Variants in BMP5 observed in about 807,000 individuals in gnomAD.
The protein encoded by BMP5 is bone morphogenetic protein 5.
In BMP5, 23 loss-of-function variants were observed where a neutral mutation model predicts 46.6. The observed-to-expected ratio is 0.49, with a 90% CI of 0.35 to 0.70. The LOEUF (loss-of-function observed/expected upper bound fraction) is 0.70. BMP5 is among the 30% of genes least tolerant of loss of function. The probability of loss-of-function intolerance (pLI) is 0.00; values close to 1 mark genes in which losing one functional copy is unlikely to be tolerated. For synonymous variants in BMP5, 204 were observed against 191.9 expected, an observed-to-expected ratio of 1.06 and a Z score of -0.52; for missense variants, 545 against 565.6, an observed-to-expected ratio of 0.96 and a Z score of 0.37.
intron 1 of BMP5, among the ~76,000 whole-genome samples, chr6:55,840,690 T>C (rs1433597512): frequency 6.6e-6 from 1 of 152,236 alleles, no homozygotes; most frequent in African/African-American, 2.4e-5. Flanking sequence ...TATTATTGCT[T>C]TGTCATCTGA....
intron 2 of BMP5, among the ~76,000 whole-genome samples, chr6:55,815,572 C>A (rs1487146588): frequency 6.6e-6 from 1 of 152,068 alleles, no homozygotes; most frequent in Admixed American, 6.6e-5. Flanking sequence ...AAAATAAAGT[C>A]TTAGCCAAAT....
intron 1 of BMP5, among the ~76,000 whole-genome samples, chr6:55,868,351 T>C (rs1420482933): frequency 6.6e-6 from 1 of 152,196 alleles, no homozygotes; most frequent in Admixed American, 6.5e-5. Flanking sequence ...TTCATTGTCT[T>C]AGAAGTCATA....
At chr6:55,838,239 A>T (rs9349796) in intron 1 of BMP5, among the ~76,000 whole-genome samples, 15,144 of 152,190 alleles carry the variant, frequency 0.1, 860 homozygotes, top group East Asian at 0.14. Context: ...TAGTGGTTAT[A>T]CTAATTTAGA....
At chr6:55,833,920 T>C (rs1776722562) in intron 1 of BMP5, among the ~76,000 whole-genome samples, 1 of 152,178 alleles carries the variant, frequency 6.6e-6, no homozygotes, top group Non-Finnish European at 1.5e-5. Context: ...ATAAAAATTT[T>C]AATAACAGTT....
intron 2 of BMP5, among the ~76,000 whole-genome samples, chr6:55,809,012 A>G (rs1562048616): frequency 1.3e-5 from 2 of 152,182 alleles, no homozygotes; most frequent in Non-Finnish European, 2.9e-5. Context: ...GCTTAATTTC[A>G]ACGCTGACTT....
chr6:55,842,501 C>T (rs1333851921), intron 1 of BMP5, among the ~76,000 whole-genome samples: 1 of 152,112 alleles, frequency 6.6e-6, no homozygotes, highest in African/African-American at 2.4e-5. Flanking sequence ...AGTGCCTCCA[C>T]ATAGCACCTT....
chr6:55,769,286 C>T (rs1251772594), intron 4 of BMP5, among the ~76,000 whole-genome samples: 7 of 151,958 alleles, frequency 4.6e-5, no homozygotes, highest in Non-Finnish European at 1.0e-4. Flanking sequence ...CCTGCCTCTA[C>T]TCTAGTAAAT....
At chr6:55,845,259 C>A (rs1052288174) in intron 1 of BMP5, among the ~76,000 whole-genome samples, 1 of 151,842 alleles carries the variant, frequency 6.6e-6, no homozygotes, top group African/African-American at 2.4e-5. Flanking sequence ...TGTGCTGAGA[C>A]AATGAAAAAT....
intron 1 of BMP5, among the ~76,000 whole-genome samples, chr6:55,872,307 C>G (rs1462643456): frequency 6.6e-6 from 1 of 151,460 alleles, no homozygotes; most frequent in Non-Finnish European, 1.5e-5. Context: ...AAAGAAGAAA[C>G]AACATAGTTT....
chr6:55,822,658 T>C (rs1776436415), intron 1 of BMP5, among the ~76,000 whole-genome samples: 1 of 152,116 alleles, frequency 6.6e-6, no homozygotes, highest in Admixed American at 6.6e-5. Flanking sequence ...GGATCCAACC[T>C]AAAGTGTGCA....
chr6:55,773,890 T>A (rs1043500421), intron 4 of BMP5, among the ~76,000 whole-genome samples, 159 bp downstream of exon 4: 36 of 151,956 alleles, frequency 2.4e-4, no homozygotes, highest in African/African-American at 8.5e-4. Flanking sequence ...TACTGAGTGA[T>A]TCACTGATGA....
chr6:55,792,137 A>T (rs1775584326), intron 3 of BMP5, among the ~76,000 whole-genome samples: 1 of 152,238 alleles, frequency 6.6e-6, no homozygotes, highest in South Asian at 2.1e-4. Flanking sequence ...AAAATTCAAC[A>T]TTGTAATTAA....
At chr6:55,778,060 G>A (rs374058619) in intron 3 of BMP5, among the ~76,000 whole-genome samples, 18 of 152,146 alleles carry the variant, frequency 1.2e-4, no homozygotes, top group East Asian at 7.8e-4. Context: ...AAAGCTGAGC[G>A]GAGCAGCAAT....
intron 4 of BMP5, among the ~76,000 whole-genome samples, chr6:55,763,908 A>G (rs1446629419): frequency 1.3e-5 from 2 of 152,132 alleles, no homozygotes; most frequent in African/African-American, 4.8e-5. Context: ...CTTTAGTTTG[A>G]TTCTTTTTGT....
intron 1 of BMP5, among the ~76,000 whole-genome samples, chr6:55,854,498 A>C (rs190205289): frequency 6.6e-6 from 1 of 152,074 alleles, no homozygotes; most frequent in Admixed American, 6.5e-5. Context: ...ATATGTGTGT[A>C]TATATGCATA....
intron 3 of BMP5, among the ~76,000 whole-genome samples, chr6:55,781,115 C>T (rs947170176): frequency 6.6e-6 from 1 of 152,102 alleles, no homozygotes; most frequent in Non-Finnish European, 1.5e-5. Flanking sequence ...TAGCACCTTT[C>T]CCCTGAGGTC....
chr6:55,853,915 C>A (rs1018117660), intron 1 of BMP5, among the ~76,000 whole-genome samples: 6 of 152,108 alleles, frequency 3.9e-5, no homozygotes, highest in Non-Finnish European at 8.8e-5. Context: ...ACAAATACTA[C>A]CCTAAGTAAG....
chr6:55,812,718 C>T (rs1308628403), intron 2 of BMP5, among the ~76,000 whole-genome samples: 1 of 152,218 alleles, frequency 6.6e-6, no homozygotes, highest in East Asian at 1.9e-4. Flanking sequence ...AGAGGTGACT[C>T]TGCTTTAAAA....
intron 2 of BMP5, among the ~76,000 whole-genome samples, chr6:55,802,559 G>C (rs1436414695): frequency 1.3e-5 from 2 of 151,890 alleles, no homozygotes; most frequent in Non-Finnish European, 2.9e-5. Flanking sequence ...AAGGAAAAGT[G>C]ACCAGCCATG....
Sources: gnomAD v4.1 joint callset for allele counts (sites outside exome capture counted in the v4.1 genomes callset) on GRCh38, gnomAD v4.1.1 for gene constraint, MANE v1.5 for transcripts, NCBI Gene and HGNC (gene_info 2026-07-23, HGNC 2026-07-21) for gene names.